The following AFF2 variants were observed in gnomAD, a reference collection of about 807,000 sequenced individuals.
AFF2 encodes ALF transcription elongation factor 2, also known as AF4/FMR2 family member 2.
A neutral mutation model predicts 76.9 loss-of-function variants in AFF2; 14 were observed. That is an observed-to-expected ratio of 0.18 (90% CI 0.12 to 0.28). The LOEUF (loss-of-function observed/expected upper bound fraction) is 0.28, where lower values mean the gene tolerates loss of function less well. AFF2 is among the 10% of genes least tolerant of loss of function. The pLI is 1.00. For missense variants in AFF2, 868 were observed against 1,001.1 expected (o/e 0.87, Z 1.79); for synonymous variants, 398 against 366.7 (o/e 1.09, Z -0.98).
At chrX:148,875,630 T>G (rs1358071729) in intron 7 of AFF2, among the ~76,000 whole-genome samples, 2 of 111,924 alleles carry the variant, frequency 1.8e-5, no homozygotes, top group Non-Finnish European at 3.8e-5. Flanking sequence ...TAACCTTCCA[T>G]ACATACTAAA....
chrX:148,591,631 G>A (rs2053523036), intron 1 of AFF2, among the ~76,000 whole-genome samples: 1 of 111,880 alleles, frequency 8.9e-6, no homozygotes, highest in African/African-American at 3.3e-5. Context: ...ACTCTTTCAA[G>A]GCATGGACTG....
At chrX:148,878,248 T>C (rs2071056867) in intron 7 of AFF2, among the ~76,000 whole-genome samples, 1 of 112,038 alleles carries the variant, frequency 8.9e-6, no homozygotes, top group Non-Finnish European at 1.9e-5. Flanking sequence ...AAGGCTTTGA[T>C]GTCTGGTGGA....
intron 1 of AFF2, among the ~76,000 whole-genome samples, chrX:148,649,536 A>C (rs1280764684): frequency 1.8e-5 from 2 of 112,457 alleles, no homozygotes; most frequent in African/African-American, 6.5e-5. Context: ...GATGTGTTAA[A>C]AAATGCAGCA....
chrX:148,716,377 C>A (rs1161578886), intron 3 of AFF2, among the ~76,000 whole-genome samples: 1 of 111,432 alleles, frequency 9.0e-6, no homozygotes, highest in Non-Finnish European at 1.9e-5. Flanking sequence ...AACGTTGGAC[C>A]CTACAACTTA....
chrX:148,556,378 G>A (rs946538630), intron 1 of AFF2, among the ~76,000 whole-genome samples: 1 of 111,619 alleles, frequency 9.0e-6, no homozygotes, highest in Non-Finnish European at 1.9e-5. Flanking sequence ...GGTTCCGGGC[G>A]CCACCATACT....
At chrX:148,753,844 A>T (rs1429362938) in intron 3 of AFF2, among the ~76,000 whole-genome samples, 1 of 111,680 alleles carries the variant, frequency 9.0e-6, no homozygotes, top group Non-Finnish European at 1.9e-5. Flanking sequence ...CATTCCATGA[A>T]AGCCACTACT....
chrX:148,770,031 A>G (rs1441566466), intron 3 of AFF2, among the ~76,000 whole-genome samples: 1 of 111,752 alleles, frequency 8.9e-6, no homozygotes, highest in African/African-American at 3.3e-5. Context: ...TCCATCTGAC[A>G]TACATTTGCT....
In AFF2 at chrX:148,962,931, G is replaced by A. The variant is rs781838895; in HGVS notation, c.2907G>A (p.Ser969=). Residue 969 remains serine (S), a synonymous_variant, in exon 13 of 21, where the codon TCG becomes TCA. Coordinates refer to ENST00000370460, the MANE Select transcript of AFF2 (RefSeq NM_002025.4). ...GKFCATFKGI[S]VNEGDTPKKA... ...TCTGTGCTACTTTCAAAGGGATATC[G>A]GTAAATGTAAGCATCTTGGAAGAAA... 40 of 1,160,922 alleles carry A rather than the reference G, an allele frequency of 3.4e-5. No individual in the cohort carries two copies. The highest frequency in any genetic ancestry group is 2.7e-4 in the African/African-American group (15 of 56,066).
chrX:148,600,767 C>T (rs188534484), intron 1 of AFF2, among the ~76,000 whole-genome samples: 6 of 112,278 alleles, frequency 5.3e-5, no homozygotes, highest in African/African-American at 1.6e-4. Context: ...ATGCCTGCCG[C>T]CCCCAAACTC....
intron 7 of AFF2, among the ~76,000 whole-genome samples, chrX:148,867,428 A>G (rs1042387546): frequency 4.4e-5 from 5 of 112,373 alleles, no homozygotes; most frequent in Non-Finnish European, 9.4e-5. Flanking sequence ...CTACAGGGCT[A>G]AGTTTGGTAG....
intron 1 of AFF2, among the ~76,000 whole-genome samples, chrX:148,574,217 A>G (rs184519722): frequency 9.0e-6 from 1 of 111,565 alleles, no homozygotes; most frequent in Admixed American, 9.6e-5. Context: ...CTGATGGCTC[A>G]TGAAAACATT....
intron 7 of AFF2, among the ~76,000 whole-genome samples, chrX:148,867,680 G>A (rs1321534494): frequency 8.9e-6 from 1 of 111,921 alleles, no homozygotes; most frequent in Non-Finnish European, 1.9e-5. Context: ...TATGTGTTCA[G>A]ATACTGTGGA....
chrX:148,768,059 G>C (rs1024376269), intron 3 of AFF2, among the ~76,000 whole-genome samples: 2 of 107,190 alleles, frequency 1.9e-5, no homozygotes, highest in African/African-American at 6.8e-5. Flanking sequence ...TGTCACTTCT[G>C]CTTGGAATAC....
intron 3 of AFF2, among the ~76,000 whole-genome samples, chrX:148,795,763 A>G (rs1306700631): frequency 1.3e-5 from 1 of 76,547 alleles, no homozygotes; most frequent in Non-Finnish European, 2.4e-5. Context: ...AGATCCCGCC[A>G]TTGCACTCCA....
At chrX:148,590,066 T>A (rs1485089832) in intron 1 of AFF2, among the ~76,000 whole-genome samples, 1 of 102,669 alleles carries the variant, frequency 9.7e-6, no homozygotes, top group Non-Finnish European at 2.0e-5. Flanking sequence ...AGAACTCAAG[T>A]GTAGTTCCCC....
chrX:148,920,719 T>A (rs1557283107), intron 9 of AFF2, among the ~76,000 whole-genome samples: 1 of 110,714 alleles, frequency 9.0e-6, no homozygotes, highest in Non-Finnish European at 1.9e-5. Context: ...AAGTTGAATT[T>A]TGAGCCCTTA....
At chrX:148,932,810 T>C in intron 9 of AFF2, among the ~76,000 whole-genome samples, 1 of 112,283 alleles carries the variant, frequency 8.9e-6, no homozygotes, top group African/African-American at 3.2e-5. Context: ...TTACATCTAT[T>C]CGCATTCATT....
chrX:148,662,861 A>G (rs1603271005), intron 3 of AFF2, 93 bp downstream of exon 3: 1 of 955,666 alleles, frequency 1.0e-6, no homozygotes, highest in African/African-American at 2.0e-5. Flanking sequence ...GCTCTCATTT[A>G]CCTTAATGAG....
At chrX:148,772,169 T>A (rs999689882) in intron 3 of AFF2, among the ~76,000 whole-genome samples, 7 of 112,405 alleles carry the variant, frequency 6.2e-5, no homozygotes, top group African/African-American at 1.9e-4. Flanking sequence ...GGTAATTGAC[T>A]CTTGCTTTTG....
Sources: allele counts gnomAD v4.1 joint callset (sites outside exome capture counted in the v4.1 genomes callset), GRCh38; gene constraint gnomAD v4.1.1; transcripts MANE v1.5; gene names NCBI Gene and HGNC (gene_info 2026-07-23, HGNC 2026-07-21).